The following CA10 variants were observed in gnomAD, a reference collection of about 807,000 sequenced individuals.
CA10 encodes carbonic anhydrase-related protein 10.
A neutral mutation model predicts 44.2 loss-of-function variants in CA10; 14 were observed. That is an observed-to-expected ratio of 0.32 (90% CI 0.21 to 0.50). The LOEUF (loss-of-function observed/expected upper bound fraction) is 0.50. Among genes scored for constraint, CA10 ranks in the 20% least tolerant of loss-of-function variants. The pLI is 0.99. For synonymous variants in CA10, 159 were observed against 141.6 expected, an observed-to-expected ratio of 1.12 and a Z score of -0.87; for missense variants, 350 against 409.7, an observed-to-expected ratio of 0.85 and a Z score of 1.26.
At chr17:51,771,258 T>C (rs1217428967) in intron 3 of CA10, among the ~76,000 whole-genome samples, 1 of 151,420 alleles carries the variant, frequency 6.6e-6, no homozygotes, top group Non-Finnish European at 1.5e-5. Context: ...TCTCCAATAC[T>C]GGAGATTATA....
intron 3 of CA10, among the ~76,000 whole-genome samples, chr17:51,877,748 G>T (rs1271941598): frequency 2.0e-5 from 3 of 152,040 alleles, no homozygotes; most frequent in Non-Finnish European, 4.4e-5. Context: ...TCTTCTATAG[G>T]TCAGTGTATA....
intron 2 of CA10, among the ~76,000 whole-genome samples, chr17:52,026,961 T>C (rs1221613603): frequency 6.6e-6 from 1 of 152,064 alleles, no homozygotes; most frequent in East Asian, 1.9e-4. Flanking sequence ...ATGATTCAAG[T>C]GCATCACATT....
intron 2 of CA10, among the ~76,000 whole-genome samples, chr17:52,052,786 G>A (rs1987114259): frequency 6.6e-6 from 1 of 152,094 alleles, no homozygotes; most frequent in Non-Finnish European, 1.5e-5. Context: ...AATAACTAGA[G>A]TACAACCTAT....
intron 8 of CA10, among the ~76,000 whole-genome samples, chr17:51,631,814 T>A (rs1270576644): frequency 1.3e-5 from 2 of 152,180 alleles, no homozygotes; most frequent in Non-Finnish European, 2.9e-5. Flanking sequence ...GGCCACTAGC[T>A]GCCATATGTG....
At chr17:51,798,927 A>G (rs991720072) in intron 3 of CA10, among the ~76,000 whole-genome samples, 7 of 152,220 alleles carry the variant, frequency 4.6e-5, no homozygotes, top group Non-Finnish European at 1.0e-4. Context: ...CAGGAAGAAC[A>G]TGATGTGGGT....
At chr17:51,834,807 G>A (rs766911139) in intron 3 of CA10, among the ~76,000 whole-genome samples, 1 of 152,178 alleles carries the variant, frequency 6.6e-6, no homozygotes, top group Non-Finnish European at 1.5e-5. Context: ...TATGGTTGTC[G>A]AGGGAATTAA....
intron 3 of CA10, among the ~76,000 whole-genome samples, chr17:51,848,941 G>C (rs913981508): frequency 9.9e-5 from 15 of 151,606 alleles, no homozygotes; most frequent in African/African-American, 3.6e-4. Context: ...AGCTACTCAG[G>C]ACACTGAAGC....
chr17:51,863,752 C>T (rs1979420705), intron 3 of CA10, among the ~76,000 whole-genome samples: 1 of 152,126 alleles, frequency 6.6e-6, no homozygotes, highest in African/African-American at 2.4e-5. Context: ...AGGGACCAAC[C>T]AAAGTAAGAG....
intron 1 of CA10, among the ~76,000 whole-genome samples, chr17:52,120,735 G>A (rs138077527): frequency 9.2e-5 from 14 of 152,270 alleles, no homozygotes; most frequent in African/African-American, 1.4e-4. Flanking sequence ...AGGAATTCAC[G>A]CCTCATGCAG....
Position 52,016,636 on chromosome 17 carries a change from G to A in CA10, c.136+55683C>T, listed in dbSNP as rs116889440. Among the ~76,000 whole-genome samples, 23 of 152,224 alleles carry A rather than the reference G, an allele frequency of 1.5e-4. No homozygotes were observed. The East Asian group carries it at 4.3e-3, about 28-fold the overall frequency. On this transcript the variant is annotated intron_variant, in intron 2 of 8. Coordinates refer to ENST00000451037, the MANE Select transcript of CA10 (RefSeq NM_020178.5). ...GACTGTTTAAAAGACCCTGGGGCCA[G>A]ATGTGGTGGCTCAAACTTGTAATCT...
intron 3 of CA10, among the ~76,000 whole-genome samples, chr17:51,749,945 C>T (rs1448307004): frequency 6.6e-6 from 1 of 152,186 alleles, no homozygotes; most frequent in African/African-American, 2.4e-5. Context: ...CATTTTTAAA[C>T]CTCAAGTTAT....
At chr17:51,668,109 C>A (rs1367954114) in intron 4 of CA10, among the ~76,000 whole-genome samples, 3 of 152,194 alleles carry the variant, frequency 2.0e-5, no homozygotes, top group African/African-American at 4.8e-5. Context: ...TTTGCCAGGG[C>A]AAAGGTTGTT....
chr17:52,011,021 G>A (rs979549883), intron 2 of CA10, among the ~76,000 whole-genome samples: 4 of 151,364 alleles, frequency 2.6e-5, no homozygotes, highest in African/African-American at 9.7e-5. Context: ...GCACAGAGAC[G>A]GGATCCTGTC....
chr17:52,059,426 G>A (rs1598192436), intron 2 of CA10, among the ~76,000 whole-genome samples: 1 of 152,158 alleles, frequency 6.6e-6, no homozygotes, highest in East Asian at 1.9e-4. Flanking sequence ...GCATTTTCCA[G>A]AACCCGTTGC....
At chr17:51,954,828 T>C (rs1013601230) in intron 2 of CA10, among the ~76,000 whole-genome samples, 7 of 152,210 alleles carry the variant, frequency 4.6e-5, no homozygotes, top group Non-Finnish European at 8.8e-5. Context: ...GCAGCTCCTC[T>C]GTAAGGAAAT....
At chr17:52,007,740 T>G (rs1268417967) in intron 2 of CA10, among the ~76,000 whole-genome samples, 1 of 151,446 alleles carries the variant, frequency 6.6e-6, no homozygotes, top group East Asian at 1.9e-4. Flanking sequence ...TAAGACTATA[T>G]TAGCCTCATA....
At chr17:51,675,222 C>T (rs1279296051) in intron 4 of CA10, among the ~76,000 whole-genome samples, 1 of 152,110 alleles carries the variant, frequency 6.6e-6, no homozygotes, top group African/African-American at 2.4e-5. Context: ...TGTCATTATT[C>T]TGTATGGCCT....
intron 1 of CA10, among the ~76,000 whole-genome samples, chr17:52,123,062 A>G (rs905741874): frequency 1.3e-5 from 2 of 152,158 alleles, no homozygotes; most frequent in Non-Finnish European, 2.9e-5. Context: ...TCAGTGGGAG[A>G]TCACCTATGA....
chr17:51,704,002 G>A (rs370539344), intron 4 of CA10, among the ~76,000 whole-genome samples: 49 of 152,238 alleles, frequency 3.2e-4, no homozygotes, highest in African/African-American at 1.1e-3. Context: ...GCCATGACTC[G>A]AGAAAGGTTA....
Sources: allele counts gnomAD v4.1 joint callset (sites outside exome capture counted in the v4.1 genomes callset), GRCh38; gene constraint gnomAD v4.1.1; transcripts MANE v1.5; gene names NCBI Gene and HGNC (gene_info 2026-07-23, HGNC 2026-07-21).